Variants in MAPKBP1 observed in about 807,000 individuals in gnomAD.
MAPKBP1 encodes mitogen-activated protein kinase binding protein 1.
In MAPKBP1, 71 loss-of-function variants were observed where a neutral mutation model predicts 170.5. That is an observed-to-expected ratio of 0.42 (90% CI 0.34 to 0.51). The LOEUF (loss-of-function observed/expected upper bound fraction) is 0.51. Ranked by LOEUF, MAPKBP1 falls within the 20% of genes least tolerant of loss-of-function variation. The probability of loss-of-function intolerance (pLI) is 0.06; values close to 1 mark genes in which losing one functional copy is unlikely to be tolerated. For missense variants in MAPKBP1, 1,598 were observed against 1,933.0 expected (o/e 0.83, Z 3.25); for synonymous variants, 719 against 757.9 (o/e 0.95, Z 0.84).
At position 41,818,316 on chromosome 15, in the gene MAPKBP1, C is replaced by T; in HGVS notation, c.2092+11C>T. ...TGTTTGGCCACTCAGGTGAGTGTAGCCTGAATCCCCGAGTAGAAGCTGATA... is the reference window on the plus strand; with the variant it reads ...TGTTTGGCCACTCAGGTGAGTGTAGTCTGAATCCCCGAGTAGAAGCTGATA... On this transcript the variant is annotated intron_variant, in intron 18 of 30. Transcript: ENST00000457542. The surrounding 1 kb of genome is among the most constrained non-coding windows in gnomAD (Gnocchi z 5.2). 6.2e-7 allele frequency: 1 copy of T among 1,605,106 alleles called. No homozygotes were observed. Among genetic ancestry groups the T allele is most frequent in the Non-Finnish European group, 8.5e-7 (1 of 1,171,902 alleles).
chr15:41,821,448 C>T (rs1199498854), intron 23 of MAPKBP1, 136 bp from the exon 24 acceptor site: 1 of 785,550 alleles, frequency 1.3e-6, no homozygotes, highest in African/African-American at 1.7e-5. Context: ...TGAATGAGTG[C>T]ACACCGCATC....
chr15:41,794,651 A>G (rs2064454441), intron 2 of MAPKBP1, among the ~76,000 whole-genome samples: 1 of 152,114 alleles, frequency 6.6e-6, no homozygotes, highest in African/African-American at 2.4e-5. Flanking sequence ...CTGTTTCTGA[A>G]GCCTCTGTAA....
In MAPKBP1 at chr15:41,823,791, G is replaced by T; in HGVS notation, c.3943G>T (p.Ala1315Ser). 4 of 1,614,140 alleles carry T rather than the reference G, an allele frequency of 2.5e-6. No individual in the cohort carries two copies. Among genetic ancestry groups the T allele is most frequent in the Non-Finnish European group, 3.4e-6 (4 of 1,180,030 alleles). The change falls in exon 29 of 31, where the codon GCC becomes TCC. Residue 1315 changes from alanine (A) to serine (S), a missense_variant. By Grantham distance (99) the Ala-to-Ser change is moderately conservative. Around this residue, in one of 6 missense-constraint regions of MAPKBP1, gnomAD observed 942 missense variants for 953.2 expected, o/e 0.99. Coordinates refer to ENST00000457542, the MANE Select transcript of MAPKBP1 (RefSeq NM_014994.3). Reference sequence around the variant, plus strand: ...ATTCTCTCCTGTCACCAAAGGCCGGGCCCCTGGCGAGGCAGAAAAGCCTGG... The same window carrying T: ...ATTCTCTCCTGTCACCAAAGGCCGGTCCCCTGGCGAGGCAGAAAAGCCTGG... ...AAFSPVTKGR[A>S]PGEAEKPGFP... is the part of the protein sequence containing the mutation.
Position 41,797,903 on chromosome 15 carries a change from A to G in MAPKBP1, c.115-1920A>G, listed in dbSNP as rs11635086. 9.3e-3 allele frequency among the ~76,000 whole-genome samples: 1,412 copies of G among 152,272 alleles called. 13 individuals are homozygous for G. The highest frequency in any genetic ancestry group is 0.015 in the Non-Finnish European group (1,028 of 68,026). On this transcript the variant is annotated intron_variant, in intron 2 of 30. Transcript: ENST00000457542. ...ACTTATTTTGGTCTTCGGCCACCAC[A>G]GGGCATTTCCTTCCAACCTAATTCA... is the stretch of plus-strand genomic sequence containing the variant.
chr15:41,788,669 A>G (rs1201352022), intron 2 of MAPKBP1, among the ~76,000 whole-genome samples: 1 of 152,234 alleles, frequency 6.6e-6, no homozygotes, highest in Non-Finnish European at 1.5e-5. Flanking sequence ...CAGAAAAATG[A>G]ATAGTCCAGA....
chr15:41,821,509 T>C (rs1234686673), intron 23 of MAPKBP1, 75 bp from the exon 24 acceptor site: 2 of 1,463,834 alleles, frequency 1.4e-6, no homozygotes, highest in Non-Finnish European at 1.9e-6. Context: ...CCCAGGATAC[T>C]CAGGGCTTAC....
Position 41,818,164 on chromosome 15 carries a change from C to G in MAPKBP1, c.1981-30C>G, listed in dbSNP as rs371791061. 3.7e-6 allele frequency: 6 copies of G among 1,607,908 alleles called. No homozygotes were observed. In the African/African-American group the frequency reaches 8.0e-5, roughly 22 times the overall value. ...TGGGAGGGACTGGTACTTCCCATGT[C>G]CTCCAGCTGCACACCCTGCTACTCC... On this transcript the variant is annotated intron_variant, in intron 17 of 30. Transcript: ENST00000457542. This position sits in a 1 kb window ranked among gnomAD's most constrained non-coding sequence, Gnocchi z 5.2.
intron 2 of MAPKBP1, among the ~76,000 whole-genome samples, chr15:41,790,041 G>A (rs1302710146): frequency 2.0e-5 from 3 of 152,194 alleles, no homozygotes; most frequent in Non-Finnish European, 4.4e-5. Context: ...GTAAAATGGA[G>A]ATAATACTAG....
intron 2 of MAPKBP1, among the ~76,000 whole-genome samples, chr15:41,795,274 C>T (rs1365979606): frequency 6.6e-6 from 1 of 152,088 alleles, no homozygotes; most frequent in African/African-American, 2.4e-5. Context: ...AGGAAGAGAC[C>T]TTTGAGCAAA....
rs528906069 is a variant in MAPKBP1 at position 41,813,258 on chromosome 15, C to A, written c.819+157C>A. The A allele has an allele frequency of 4.3e-5, 65 of 1,503,782 alleles. No homozygotes were observed. The South Asian group carries it at 7.0e-4, about 16-fold the overall frequency. 93.2% of individuals were successfully genotyped at this position (1,503,782 alleles called of 1,614,324 possible). A position where few individuals can be genotyped will look rare whatever the true frequency, so the allele number is the denominator to read the frequency against. ...AGCTAGAGCTTGGCCCATTTCCAGC[C>A]CTTGGTGATCTGTATAACTGCCTCC... On this transcript the variant is annotated intron_variant, in intron 8 of 30. Transcript: ENST00000457542.
intron 3 of MAPKBP1, among the ~76,000 whole-genome samples, chr15:41,805,093 T>C (rs549904262): frequency 6.6e-6 from 1 of 152,200 alleles, no homozygotes; most frequent in South Asian, 2.1e-4. Context: ...GAAACAAAAC[T>C]CAGAAAATTC....
In MAPKBP1 at chr15:41,786,785, T is replaced by A. The variant is rs1176483502; in HGVS notation, c.114+11396T>A. On this transcript the variant is annotated intron_variant, in intron 2 of 30. Coordinates refer to ENST00000457542, the MANE Select transcript of MAPKBP1 (RefSeq NM_014994.3). ...GTCTAAAAAAAAAAAAAAATATATATATATATATATATATATATAGGTATA... is the reference window on the plus strand; with the variant it reads ...GTCTAAAAAAAAAAAAAAATATATAAATATATATATATATATATAGGTATA... 5.3e-4 allele frequency among the ~76,000 whole-genome samples: 50 copies of A among 94,678 alleles called. 3 individuals are homozygous for A. Among genetic ancestry groups the A allele is most frequent in the South Asian group, 2.6e-3 (7 of 2,704 alleles). 62.1% of individuals were successfully genotyped at this position (94,678 alleles called of 152,430 possible).
rs772901186 is a variant in MAPKBP1 at position 41,826,957 on chromosome 15, G to GC, written c.*1525dup. 1.3e-5 allele frequency: 2 copies of GC among 152,220 alleles called. No homozygotes were observed. The highest frequency in any genetic ancestry group is 1.5e-5 in the Non-Finnish European group (1 of 68,094). 9.4% of individuals were successfully genotyped at this position (152,220 alleles called of 1,614,324 possible). ...TTTACCACAGCTTCAGGCCACGAGAGCCCCTTCACCCGCCCTGCTGCGCCA... is the reference window on the plus strand; with the variant it reads ...TTTACCACAGCTTCAGGCCACGAGAGCCCCCTTCACCCGCCCTGCTGCGCCA... On this transcript the variant is annotated 3_prime_UTR_variant, in exon 31 of 31. Transcript: ENST00000457542.
rs1054503165 is a variant in MAPKBP1, at chr15:41,827,774, C to T, written c.*2338C>T. Reference sequence around the variant, plus strand: ...GCGGCGCTTCCTGCCTCATCCTCGGCTGCATGGGGCGGGGGCGCTGTTTTT... The same window carrying T: ...GCGGCGCTTCCTGCCTCATCCTCGGTTGCATGGGGCGGGGGCGCTGTTTTT... On this transcript the variant is annotated 3_prime_UTR_variant, in exon 31 of 31. Transcript: ENST00000457542. The T allele has an allele frequency of 8.5e-5, 20 of 235,006 alleles. No individual in the cohort carries two copies. Among genetic ancestry groups the T allele is most frequent in the Admixed American group, 4.0e-4 (7 of 17,572 alleles). 14.6% of individuals were successfully genotyped at this position (235,006 alleles called of 1,614,324 possible). A position where few individuals can be genotyped will look rare whatever the true frequency, so the allele number is the denominator to read the frequency against.
chr15:41,788,820 G>A (rs1266287036), intron 2 of MAPKBP1, among the ~76,000 whole-genome samples: 1 of 152,176 alleles, frequency 6.6e-6, no homozygotes, highest in Non-Finnish European at 1.5e-5. Flanking sequence ...TTTGGGCAGG[G>A]GAGAAACATG....
At chr15:41,792,878 A>G (rs139567161) in intron 2 of MAPKBP1, among the ~76,000 whole-genome samples, 292 of 152,204 alleles carry the variant, frequency 1.9e-3, no homozygotes, top group Non-Finnish European at 3.1e-3. Flanking sequence ...TTGCTTCCTC[A>G]TGTGGAAAGA....
chr15:41,818,101 G>A lies in MAPKBP1; in HGVS notation c.1980+17G>A, dbSNP rs775495030. 2 of 1,613,818 alleles carry A rather than the reference G, an allele frequency of 1.2e-6. No individual in the cohort carries two copies. The highest frequency in any genetic ancestry group is 2.2e-5 in the South Asian group (2 of 91,068). On this transcript the variant is annotated intron_variant, in intron 17 of 30. Transcript: ENST00000457542. This position sits in a 1 kb window ranked among gnomAD's most constrained non-coding sequence, Gnocchi z 5.2. ...CTCATTAAGGTAAGGACCCAGAGGGGGTACTGGACAGGGGCTCGGGGACAG... is the reference window on the plus strand; with the variant it reads ...CTCATTAAGGTAAGGACCCAGAGGGAGTACTGGACAGGGGCTCGGGGACAG...
rs762528895 is a variant in MAPKBP1 at position 41,821,120 on chromosome 15, G to A, written c.2718+52G>A. ...AGAGAGTTCCAAGGGGCCTTAGGCA[G>A]CCTTTGCCACCAGCTGGGACCTGAG... On this transcript the variant is annotated intron_variant, in intron 23 of 30. Coordinates refer to ENST00000457542, the MANE Select transcript of MAPKBP1 (RefSeq NM_014994.3). 28 of 1,559,250 alleles carry A rather than the reference G, an allele frequency of 1.8e-5. No homozygotes were observed. The Admixed American group carries it at 4.7e-4, about 26-fold the overall frequency.
Position 41,779,045 on chromosome 15 carries a change from C to A in MAPKBP1, c.114+3656C>A, listed in dbSNP as rs1171976418. Among the ~76,000 whole-genome samples the A allele has an allele frequency of 2.6e-5, 4 of 151,610 alleles. No individual in the cohort carries two copies. In the East Asian group the frequency reaches 7.7e-4, roughly 29 times the overall value. ...TAATTCTTCTTTCTCTATTTGTTTC[C>A]CCAAGTTTTTTTCCTGTATAGTTGT... On this transcript the variant is annotated intron_variant, in intron 2 of 30. Transcript: ENST00000457542.
Sources: allele counts gnomAD v4.1 joint callset (sites outside exome capture counted in the v4.1 genomes callset), GRCh38; gene constraint gnomAD v4.1.1; regional missense constraint gnomAD v4.1.1; non-coding constraint Gnocchi (gnomAD v3.1); transcripts MANE v1.5; gene names NCBI Gene and HGNC (gene_info 2026-07-23, HGNC 2026-07-21).